SLC24A2: variants seen among roughly 807,000 people sequenced by gnomAD.
The protein encoded by SLC24A2 is solute carrier family 24 member 2, also known as sodium/potassium/calcium exchanger 2.
Under a neutral mutation model 62.0 loss-of-function variants are expected in SLC24A2, and 36 were observed. That is an observed-to-expected ratio of 0.58 (90% CI 0.44 to 0.77). SLC24A2 has a LOEUF of 0.77. SLC24A2 is among the 30% of genes least tolerant of loss of function. The pLI is 0.00. For missense variants in SLC24A2, 846 were observed against 817.9 expected (o/e 1.03, Z -0.42); for synonymous variants, 358 against 294.0 (o/e 1.22, Z -2.23).
chr9:20,151,457 A>G, the SLC24A2 span, among the ~76,000 whole-genome samples: 5 of 151,940 alleles, frequency 3.3e-5, no homozygotes, highest in Admixed American at 3.3e-4. Flanking sequence ...TTCCATGGTT[A>G]CAGTATCTTG....
the SLC24A2 span, among the ~76,000 whole-genome samples, chr9:20,102,289 A>C: frequency 6.6e-6 from 1 of 151,788 alleles, no homozygotes; most frequent in Non-Finnish European, 1.5e-5. Context: ...GCACATATAC[A>C]CCACAGAATA....
the SLC24A2 span, among the ~76,000 whole-genome samples, chr9:20,179,990 T>C: frequency 6.6e-6 from 1 of 152,170 alleles, no homozygotes; most frequent in Non-Finnish European, 1.5e-5. Context: ...CAACACAGTA[T>C]ATTTACAGTC....
chr9:20,084,606 A>G, the SLC24A2 span, among the ~76,000 whole-genome samples: 1 of 149,896 alleles, frequency 6.7e-6, no homozygotes, highest in Non-Finnish European at 1.5e-5. Context: ...ACAGTTCCCC[A>G]GACACCACTG....
chr9:19,562,431 C>G (rs1835449407), intron 7 of SLC24A2, among the ~76,000 whole-genome samples: 3 of 152,092 alleles, frequency 2.0e-5, no homozygotes, highest in African/African-American at 7.2e-5. Context: ...TGACAAGTGG[C>G]ATTTTTACCA....
chr9:20,092,980 T>C, the SLC24A2 span, among the ~76,000 whole-genome samples: 4 of 152,174 alleles, frequency 2.6e-5, no homozygotes, highest in Admixed American at 2.6e-4. Flanking sequence ...CCAACATAAA[T>C]AACTGTCTTA....
chr9:19,557,366 C>A (rs1295833545), intron 7 of SLC24A2, among the ~76,000 whole-genome samples: 1 of 152,122 alleles, frequency 6.6e-6, no homozygotes, highest in African/African-American at 2.4e-5. Context: ...TCTTGGAAGG[C>A]CTGGGGGTGT....
At chr9:20,243,908 T>C in the SLC24A2 span, among the ~76,000 whole-genome samples, 7 of 152,088 alleles carry the variant, frequency 4.6e-5, no homozygotes, top group Non-Finnish European at 1.5e-5. Context: ...CTCAGGTTTC[T>C]TTGTTTTATT....
At chr9:19,848,512 T>C in the SLC24A2 span, among the ~76,000 whole-genome samples, 20 of 152,294 alleles carry the variant, frequency 1.3e-4, no homozygotes, top group African/African-American at 4.1e-4. Context: ...ATGATATGTA[T>C]AGTATATGTA....
the SLC24A2 span, among the ~76,000 whole-genome samples, chr9:20,288,034 GGAA>G: frequency 0.072 from 3,267 of 45,110 alleles, 43 homozygotes; most frequent in African/African-American, 0.17. Context: ...GGAGGAGTTA[GGAA>G]AAAAACACAC....
At chr9:20,246,267 G>T in the SLC24A2 span, among the ~76,000 whole-genome samples, 57 of 152,232 alleles carry the variant, frequency 3.7e-4, no homozygotes, top group African/African-American at 1.3e-3. Flanking sequence ...TATTTATGGA[G>T]CACTCACATG....
At position 19,701,615 on chromosome 9, in the gene SLC24A2, G is replaced by A. The variant is rs566494679; in HGVS notation, c.931-79316C>T. 2.6e-5 allele frequency among the ~76,000 whole-genome samples: 4 copies of A among 152,196 alleles called. No homozygotes were observed. In the South Asian group the frequency reaches 6.2e-4, roughly 24 times the overall value. On this transcript the variant is annotated intron_variant, in intron 2 of 10. Coordinates refer to ENST00000341998, the MANE Select transcript of SLC24A2 (RefSeq NM_020344.4). ...GACCTTACTGGGCTAAAATAAAGACGCAGGTTTGAAGACAGTACACTATTG... is the reference window on the plus strand; with the variant it reads ...GACCTTACTGGGCTAAAATAAAGACACAGGTTTGAAGACAGTACACTATTG...
the SLC24A2 span, among the ~76,000 whole-genome samples, chr9:20,044,240 A>G: frequency 6.6e-6 from 1 of 152,212 alleles, no homozygotes; most frequent in African/African-American, 2.4e-5. Context: ...TACATGCACG[A>G]CGAAACCAAA....
chr9:19,799,588 T>A, the SLC24A2 span, among the ~76,000 whole-genome samples: 1 of 152,208 alleles, frequency 6.6e-6, no homozygotes, highest in Admixed American at 6.5e-5. Context: ...ACAGATAACA[T>A]AAAATCTATA....
chr9:19,922,738 A>T, the SLC24A2 span, among the ~76,000 whole-genome samples: 39 of 152,300 alleles, frequency 2.6e-4, no homozygotes, highest in African/African-American at 8.7e-4. Context: ...AAGGAAAAAA[A>T]TCCCTTCTGG....
intron 2 of SLC24A2, among the ~76,000 whole-genome samples, chr9:19,767,018 T>G (rs1464514696): frequency 6.6e-6 from 1 of 152,174 alleles, no homozygotes; most frequent in Non-Finnish European, 1.5e-5. Context: ...AGAGAGGCAG[T>G]CTGGCTACAG....
chr9:19,681,890 C>G (rs1051202323), intron 2 of SLC24A2, among the ~76,000 whole-genome samples: 3 of 152,074 alleles, frequency 2.0e-5, no homozygotes, highest in African/African-American at 7.2e-5. Context: ...ATCTAAGAAG[C>G]AGTATATTAT....
the SLC24A2 span, among the ~76,000 whole-genome samples, chr9:20,158,873 C>T: frequency 2.0e-5 from 3 of 151,490 alleles, no homozygotes; most frequent in South Asian, 6.2e-4. Context: ...TGAAAGGACC[C>T]ATTATATATC....
rs571331598 is a variant in SLC24A2, at chr9:19,761,431, T to A, written c.930+24506A>T. 3.5e-4 allele frequency among the ~76,000 whole-genome samples: 53 copies of A among 152,218 alleles called. No individual in the cohort carries two copies. The Middle Eastern group carries it at 0.014, about 39-fold the overall frequency. ...ACCAGTGATGATGAGCTTTTTTTCATATGTTTGTTGGTTGCATAAATGTCA... is the reference window on the plus strand; with the variant it reads ...ACCAGTGATGATGAGCTTTTTTTCAAATGTTTGTTGGTTGCATAAATGTCA... On this transcript the variant is annotated intron_variant, in intron 2 of 10. Transcript: ENST00000341998.
the SLC24A2 span, among the ~76,000 whole-genome samples, chr9:20,101,221 G>A: frequency 5.0e-4 from 76 of 152,290 alleles, no homozygotes; most frequent in Non-Finnish European, 9.3e-4. Flanking sequence ...TCTGAAGGTC[G>A]GCAACGATGC....
Sources: allele counts gnomAD v4.1 joint callset (sites outside exome capture counted in the v4.1 genomes callset), GRCh38; gene constraint gnomAD v4.1.1; transcripts MANE v1.5; gene names NCBI Gene and HGNC (gene_info 2026-07-23, HGNC 2026-07-21).